Variants in LMX1A observed in about 807,000 individuals in gnomAD.
The protein encoded by LMX1A is LIM homeobox transcription factor 1 alpha, also known as LIM homeobox transcription factor 1-alpha.
Under a neutral mutation model 49.1 loss-of-function variants are expected in LMX1A, and 15 were observed. The observed-to-expected ratio is 0.31, with a 90% CI of 0.20 to 0.47. The LOEUF (loss-of-function observed/expected upper bound fraction) is 0.47. Among genes scored for constraint, LMX1A ranks in the 20% least tolerant of loss-of-function variants. The pLI, the probability that LMX1A is intolerant of heterozygous loss-of-function variation, is 1.00. For synonymous variants in LMX1A, 167 were observed against 185.7 expected (o/e 0.90, Z 0.82); for missense variants, 372 against 475.8 (o/e 0.78, Z 2.03).
intron 3 of LMX1A, among the ~76,000 whole-genome samples, chr1:165,274,228 C>T (rs1259945468): frequency 6.6e-6 from 1 of 152,174 alleles, no homozygotes; most frequent in Non-Finnish European, 1.5e-5. Context: ...CATCCATTGC[C>T]AATACCTCTA....
chr1:165,273,565 G>A lies in LMX1A; in HGVS notation c.264-23925C>T, dbSNP rs71628372. On this transcript the variant is annotated intron_variant, in intron 3 of 8. Coordinates refer to ENST00000342310, the MANE Select transcript of LMX1A (RefSeq NM_177398.4). ...ATATTGACCACTTAAATATTATTTC[G>A]TCTCCTTAGATATGACTCTTTCCCT... 3.8e-3 allele frequency among the ~76,000 whole-genome samples: 574 copies of A among 151,134 alleles called. 5 individuals carry two copies. Among genetic ancestry groups the A allele is most frequent in the Middle Eastern group, 0.011 (3 of 284 alleles).
chr1:165,355,948 C>T lies in LMX1A; in HGVS notation c.-22-367G>A, dbSNP rs1656595506. ...CCCTCGGGACGTCTCTGCAGGAACG[C>T]AGCTACTGGGGTATATTGGGTATAT... is the stretch of plus-strand genomic sequence containing the variant. On this transcript the variant is annotated intron_variant, in intron 1 of 8. Transcript: ENST00000342310. The surrounding 1 kb of genome is among the most constrained non-coding windows in gnomAD (Gnocchi z 4.7). 8.2e-6 allele frequency: 2 copies of T among 244,668 alleles called. No individual in the cohort carries two copies. The highest frequency in any genetic ancestry group is 2.2e-5 in the African/African-American group (1 of 44,666). The allele number at this position is 244,668 out of a possible 1,614,324, so 15.2% of individuals were successfully genotyped here.
chr1:165,236,697 A>G (rs1213064447), intron 4 of LMX1A, among the ~76,000 whole-genome samples: 1 of 151,670 alleles, frequency 6.6e-6, no homozygotes, highest in African/African-American at 2.4e-5. Flanking sequence ...AAGGTATTTC[A>G]ACTCCATCCC....
intron 4 of LMX1A, among the ~76,000 whole-genome samples, chr1:165,244,861 A>C (rs1453167265): frequency 0.014 from 2 of 142 alleles, no homozygotes; most frequent in African/African-American, 0.033. Flanking sequence ...GCCCAGTGTC[A>C]AAAAAAAAAA....
At chr1:165,329,972 G>T (rs1571226431) in intron 3 of LMX1A, among the ~76,000 whole-genome samples, 1 of 152,178 alleles carries the variant, frequency 6.6e-6, no homozygotes, top group Admixed American at 6.5e-5. Context: ...TTCCTTATAT[G>T]CAAAATGAGA....
At chr1:165,329,618 C>G (rs192399158) in intron 3 of LMX1A, among the ~76,000 whole-genome samples, 11 of 150,868 alleles carry the variant, frequency 7.3e-5, no homozygotes, top group Admixed American at 6.6e-5. Flanking sequence ...GCAACCCCCC[C>G]ACCCCCGCCA....
intron 3 of LMX1A, among the ~76,000 whole-genome samples, chr1:165,252,476 C>T (rs1456804256): frequency 6.6e-6 from 1 of 152,204 alleles, no homozygotes; most frequent in Non-Finnish European, 1.5e-5. Flanking sequence ...GGCATAAGCA[C>T]AGAGACAATA....
In LMX1A at chr1:165,355,366, G is replaced by A. The variant is rs1379300876; in HGVS notation, c.76+118C>T. 1 of 891,920 alleles carries A rather than the reference G, an allele frequency of 1.1e-6. No individual in the cohort carries two copies. Among genetic ancestry groups the A allele is most frequent in the Non-Finnish European group, 1.8e-6 (1 of 562,676 alleles). The allele number at this position is 891,920 out of a possible 1,614,324, so 55.3% of individuals were successfully genotyped here. A position where few individuals can be genotyped will look rare whatever the true frequency, so the allele number is the denominator to read the frequency against. ...ACAGATAGTGATGGGGCTCAATTTAGTGTATGAAGAGGGGCGCTAGCTTCC... is the reference window on the plus strand; with the variant it reads ...ACAGATAGTGATGGGGCTCAATTTAATGTATGAAGAGGGGCGCTAGCTTCC... On this transcript the variant is annotated intron_variant, in intron 2 of 8. Transcript: ENST00000342310. The surrounding 1 kb of genome is among the most constrained non-coding windows in gnomAD (Gnocchi z 4.7).
At chr1:165,351,614 A>G (rs2225185) in intron 3 of LMX1A, among the ~76,000 whole-genome samples, 30,739 of 152,126 alleles carry the variant, frequency 0.2, 3,444 homozygotes, top group African/African-American at 0.29. Context: ...TTAGTTCTGA[A>G]AAAAGCCAAG....
intron 6 of LMX1A, among the ~76,000 whole-genome samples, chr1:165,210,098 T>C (rs562314397): frequency 1.3e-5 from 2 of 152,364 alleles, no homozygotes; most frequent in South Asian, 4.1e-4. Context: ...GTTTGTTTTT[T>C]CCTCATATCA....
Position 165,278,499 on chromosome 1 carries a change from T to G in LMX1A, c.264-28859A>C, listed in dbSNP as rs1439647311. On this transcript the variant is annotated intron_variant, in intron 3 of 8. Coordinates refer to ENST00000342310, the MANE Select transcript of LMX1A (RefSeq NM_177398.4). Reference sequence around the variant, plus strand: ...CACTGAGTACCTGCTGCCAAGTTCCTAATCAAACACTGGATTTTTGCTGCC... The same window carrying G: ...CACTGAGTACCTGCTGCCAAGTTCCGAATCAAACACTGGATTTTTGCTGCC... Among the ~76,000 whole-genome samples, 3 of 152,214 alleles carry G rather than the reference T, an allele frequency of 2.0e-5. No homozygotes were observed. In the East Asian group the frequency reaches 5.8e-4, roughly 29 times the overall value.
intron 3 of LMX1A, among the ~76,000 whole-genome samples, chr1:165,252,736 T>C (rs1442449216): frequency 6.6e-6 from 1 of 152,168 alleles, no homozygotes; most frequent in Admixed American, 6.6e-5. Flanking sequence ...CTCTCCTCTT[T>C]ATAAAGCTAG....
intron 3 of LMX1A, among the ~76,000 whole-genome samples, chr1:165,316,695 T>TC (rs1226726785): frequency 2.6e-5 from 4 of 152,142 alleles, no homozygotes; most frequent in African/African-American, 9.7e-5. Flanking sequence ...CCAGGCGGTT[T>TC]CCCAGGGGCA....
intron 3 of LMX1A, among the ~76,000 whole-genome samples, chr1:165,269,481 T>C (rs1034121774): frequency 6.6e-6 from 1 of 152,220 alleles, no homozygotes; most frequent in African/African-American, 2.4e-5. Flanking sequence ...TGGAAGACAG[T>C]GTGGCAATTC....
At chr1:165,242,972 A>G (rs1233681973) in intron 4 of LMX1A, among the ~76,000 whole-genome samples, 1 of 151,420 alleles carries the variant, frequency 6.6e-6, no homozygotes, top group Non-Finnish European at 1.5e-5. Flanking sequence ...AAAACAACTA[A>G]TTGCAGCACG....
At chr1:165,284,241 C>T (rs1418896224) in intron 3 of LMX1A, among the ~76,000 whole-genome samples, 1 of 152,228 alleles carries the variant, frequency 6.6e-6, no homozygotes, top group Admixed American at 6.5e-5. Flanking sequence ...TATGAAAGCA[C>T]TTTGCACATT....
chr1:165,272,522 C>G (rs1653826601), intron 3 of LMX1A, among the ~76,000 whole-genome samples: 1 of 152,162 alleles, frequency 6.6e-6, no homozygotes, highest in Non-Finnish European at 1.5e-5. Context: ...AACAAGTGCA[C>G]ATTCCAGGCC....
chr1:165,302,450 T>A (rs1200222213), intron 3 of LMX1A, among the ~76,000 whole-genome samples: 1 of 150,546 alleles, frequency 6.6e-6, no homozygotes, highest in African/African-American at 2.4e-5. Context: ...TCAAAAAAAA[T>A]AAAATAAAAT....
intron 3 of LMX1A, among the ~76,000 whole-genome samples, chr1:165,276,298 T>C (rs1286959833): frequency 6.6e-6 from 1 of 152,192 alleles, no homozygotes; most frequent in Non-Finnish European, 1.5e-5. Context: ...TGTCTGATAC[T>C]GAGAGCCTGC....
Sources: gnomAD v4.1 joint callset for allele counts (sites outside exome capture counted in the v4.1 genomes callset) on GRCh38, gnomAD v4.1.1 for gene constraint, Gnocchi (gnomAD v3.1) non-coding constraint, MANE v1.5 for transcripts, NCBI Gene and HGNC (gene_info 2026-07-23, HGNC 2026-07-21) for gene names.